Variants in ETFB observed in about 807,000 individuals in gnomAD.
The protein encoded by ETFB is electron transfer flavoprotein subunit beta.
A neutral mutation model predicts 25.6 loss-of-function variants in ETFB; 20 were observed. The ratio of observed to expected loss-of-function variants is 0.78; its 90% confidence interval spans 0.55 to 1.14. The LOEUF is 1.14. ETFB is among the 50% of genes most tolerant of loss of function. The probability of loss-of-function intolerance (pLI) is 0.00; values close to 1 mark genes in which losing one functional copy is unlikely to be tolerated. For missense variants in ETFB, 286 were observed against 342.6 expected (o/e 0.83, Z 1.30); for synonymous variants, 142 against 146.7 (o/e 0.97, Z 0.23).
chr19:51,354,283 C>G lies in ETFB; in HGVS notation c.83G>C (p.Gly28Ala). 1.2e-6 allele frequency: 2 copies of G among 1,614,178 alleles called. No homozygotes were observed. Among genetic ancestry groups the G allele is most frequent in the Non-Finnish European group, 1.7e-6 (2 of 1,180,038 alleles). ...VKIRVKPDRT[G>A]VVTDGVKHSM... ...GTGCTTCACACCATCCGTGACCACA[C>G]CGGTCCTGTCAGGCTTCACTCGGAT... The change falls in exon 2 of 6, where the codon GGT becomes GCT. Residue 28 changes from glycine to alanine, a missense_variant. Gly to Ala is a moderately conservative substitution (Grantham distance 60). Transcript: ENST00000309244.
At chr19:51,357,534 G>GGAT (rs1986115209) in intron 1 of ETFB, among the ~76,000 whole-genome samples, 1 of 130,074 alleles carries the variant, frequency 7.7e-6, no homozygotes, top group Non-Finnish European at 1.6e-5. Flanking sequence ...CTGTTGTCCA[G>GGAT]GATGGAGAGC....
At chr19:51,352,989 AG>A in intron 3 of ETFB, 142 bp downstream of exon 3, 1 of 976,740 alleles carries the variant, frequency 1.0e-6, no homozygotes, top group South Asian at 1.3e-5. Flanking sequence ...CTCTGTCAGA[AG>A]GGTCAGCAAA....
chr19:51,358,368 AAAAG>A (rs1158152162), intron 1 of ETFB, among the ~76,000 whole-genome samples: 3 of 152,154 alleles, frequency 2.0e-5, no homozygotes, highest in Non-Finnish European at 4.4e-5. Context: ...GGGTAACATT[AAAAG>A]ATGGAGGACT....
chr19:51,349,836 G>A (rs912991400), intron 4 of ETFB, among the ~76,000 whole-genome samples: 14 of 108,130 alleles, frequency 1.3e-4, no homozygotes, highest in Non-Finnish European at 2.5e-4. Context: ...TGTAACCTCC[G>A]CCTCCCAAGT....
At chr19:51,352,945 C>T (rs537407603) in intron 3 of ETFB, among the ~76,000 whole-genome samples, 187 bp downstream of exon 3, 1 of 152,286 alleles carries the variant, frequency 6.6e-6, no homozygotes, top group South Asian at 2.1e-4. Flanking sequence ...ATCTTTCTAA[C>T]ACCCAGAGGG....
intron 4 of ETFB, chr19:51,347,560 G>C (rs1985829712): frequency 6.1e-6 from 1 of 163,386 alleles, no homozygotes; most frequent in Admixed American, 5.9e-5. Flanking sequence ...AACTGTGTGT[G>C]TCCACACCAG....
rs568208945 is a variant in ETFB, at chr19:51,358,844, A to C, written c.58-4536T>G. ...AACAAACAACAACAAAAAAAAAAAA[A>C]AAAAAACAGCCAGGTATGGTGGCAC... On this transcript the variant is annotated intron_variant, in intron 1 of 5. Transcript: ENST00000309244. 9.7e-3 allele frequency among the ~76,000 whole-genome samples: 1,464 copies of C among 151,128 alleles called. 25 individuals carry two copies. Among genetic ancestry groups the C allele is most frequent in the African/African-American group, 0.033 (1,362 of 41,220 alleles).
chr19:51,354,512 C>T (rs1201094692), intron 1 of ETFB: 2 of 1,614,088 alleles, frequency 1.2e-6, no homozygotes, highest in East Asian at 2.2e-5. Flanking sequence ...CTTCTCTCAT[C>T]CAGCCATTCC....
chr19:51,353,066 A>T, intron 3 of ETFB, 66 bp downstream of exon 3: 2 of 1,602,360 alleles, frequency 1.2e-6, no homozygotes. Context: ...CTCACCCCGT[A>T]TCTCCACCAC....
Position 51,353,839 on chromosome 19 carries a change from C to A in ETFB, c.216+311G>T, listed in dbSNP as rs74176134. On this transcript the variant is annotated intron_variant, in intron 2 of 5. Coordinates refer to ENST00000309244, the MANE Select transcript of ETFB (RefSeq NM_001985.3). Reference sequence around the variant, plus strand: ...AGACCCAGGAGTCCAGGGCCCCATCCCCTCCTTCCTCAGACCCAGGAATCC... The same window carrying A: ...AGACCCAGGAGTCCAGGGCCCCATCACCTCCTTCCTCAGACCCAGGAATCC... 6.0e-3 allele frequency among the ~76,000 whole-genome samples: 59 copies of A among 9,758 alleles called. 1 individual carries two copies. Among genetic ancestry groups the A allele is most frequent in the Non-Finnish European group, 0.011 (36 of 3,344 alleles). The allele number at this position is 9,758 out of a possible 152,430, so 6.4% of individuals were successfully genotyped here. A position where few individuals can be genotyped will look rare whatever the true frequency, so the allele number is the denominator to read the frequency against.
chr19:51,360,744 C>G (rs1986200626), intron 1 of ETFB, among the ~76,000 whole-genome samples: 1 of 151,268 alleles, frequency 6.6e-6, no homozygotes, highest in African/African-American at 2.4e-5. Flanking sequence ...GGATTTTCTT[C>G]TCTTCTCTTT....
chr19:51,350,999 C>G (rs532357042), intron 3 of ETFB, among the ~76,000 whole-genome samples: 1 of 152,376 alleles, frequency 6.6e-6, no homozygotes, highest in Non-Finnish European at 1.5e-5. Flanking sequence ...GATCCCCTCA[C>G]TTGGGCCCAG....
chr19:51,359,921 G>A (rs1016381524), intron 1 of ETFB, among the ~76,000 whole-genome samples: 2 of 152,098 alleles, frequency 1.3e-5, no homozygotes, highest in Non-Finnish European at 1.5e-5. Flanking sequence ...AGGAGGCTGA[G>A]GTGGGAGGAC....
Position 51,366,353 on chromosome 19 carries a change from C to T in ETFB, c.-27G>A. Reference sequence around the variant, plus strand: ...TTCCCGCCGCAGCCACTTACAGGGTCAGCCCGCACCCTCAGCGGCTCAGTC... The same window carrying T: ...TTCCCGCCGCAGCCACTTACAGGGTTAGCCCGCACCCTCAGCGGCTCAGTC... On this transcript the variant is annotated 5_prime_UTR_variant, in exon 1 of 6. Transcript: ENST00000309244. 6.2e-7 allele frequency: 1 copy of T among 1,610,404 alleles called. No homozygotes were observed. Among genetic ancestry groups the T allele is most frequent in the Non-Finnish European group, 8.5e-7 (1 of 1,178,922 alleles).
intron 5 of ETFB, 46 bp downstream of exon 5, chr19:51,346,854 T>C: frequency 6.5e-7 from 1 of 1,529,028 alleles, no homozygotes; most frequent in East Asian, 2.5e-5. Flanking sequence ...GCTGGCAATG[T>C]GCTTGCCACC....
intron 5 of ETFB, 195 bp from the exon 6 acceptor site, chr19:51,345,576 T>C: frequency 3.2e-6 from 2 of 628,858 alleles, no homozygotes. Context: ...TAGGAGGCCC[T>C]GGGAGGCCCA....
intron 3 of ETFB, among the ~76,000 whole-genome samples, chr19:51,351,062 G>A (rs1056561544): frequency 2.0e-5 from 3 of 152,210 alleles, no homozygotes; most frequent in Admixed American, 6.5e-5. Context: ...CATCCCTGTC[G>A]TCAAGTCTCT....
At chr19:51,352,013 A>G (rs1568467188) in intron 3 of ETFB, among the ~76,000 whole-genome samples, 2 of 151,694 alleles carry the variant, frequency 1.3e-5, no homozygotes. Context: ...TGAGGCCATG[A>G]GGTTTGCCCT....
intron 1 of ETFB, among the ~76,000 whole-genome samples, chr19:51,358,994 T>A (rs1049575136): frequency 4.0e-5 from 6 of 150,960 alleles, no homozygotes; most frequent in Admixed American, 2.6e-4. Context: ...CAAGACCTCA[T>A]CTCAAAAAAG....
Sources: allele counts gnomAD v4.1 joint callset (sites outside exome capture counted in the v4.1 genomes callset), GRCh38; gene constraint gnomAD v4.1.1; transcripts MANE v1.5; gene names NCBI Gene and HGNC (gene_info 2026-07-23, HGNC 2026-07-21).